HACE1: variants seen among roughly 807,000 people sequenced by gnomAD.
HACE1 encodes the protein HECT domain and ankyrin repeat containing E3 ubiquitin protein ligase 1.
In HACE1, 73 loss-of-function variants were observed where a neutral mutation model predicts 118.4. The ratio of observed to expected loss-of-function variants is 0.62; its 90% CI spans 0.51 to 0.75. The LOEUF is 0.75. Ranked by LOEUF, HACE1 falls within the 30% of genes least tolerant of loss-of-function variation. The probability of loss-of-function intolerance (pLI) is 0.00; values close to 1 mark genes in which losing one functional copy is unlikely to be tolerated. For synonymous variants in HACE1, 368 were observed against 374.8 expected, an observed-to-expected ratio of 0.98 and a Z score of 0.21; for missense variants, 749 against 1,102.2, an observed-to-expected ratio of 0.68 and a Z score of 4.54.
intron 6 of HACE1, among the ~76,000 whole-genome samples, chr6:104,822,583 G>A (rs747815905): frequency 3.3e-5 from 5 of 152,016 alleles, no homozygotes; most frequent in African/African-American, 7.2e-5. Context: ...TAGGCCGAGC[G>A]CGGTGGCTCA....
chr6:104,780,277 A>C, intron 14 of HACE1: 1 of 379,088 alleles, frequency 2.6e-6, no homozygotes, highest in South Asian at 2.0e-5. Flanking sequence ...AAAAGCTCAG[A>C]TCAAACACAC....
At chr6:104,744,750 A>G (rs1478470931) in intron 20 of HACE1, 140 bp from the exon 21 acceptor site, 1 of 645,432 alleles carries the variant, frequency 1.5e-6, no homozygotes, top group Non-Finnish European at 2.8e-6. Flanking sequence ...CATGTCATCA[A>G]CAACAAGCAT....
chr6:104,858,666 G>A lies in HACE1; in HGVS notation c.76+901C>T, dbSNP rs1776993169. On this transcript the variant is annotated intron_variant, in intron 1 of 23. Coordinates refer to ENST00000262903, the MANE Select transcript of HACE1 (RefSeq NM_020771.4). ...TTCAAAGAGAGTTTTGAAAAAGTAA[G>A]ATAAACTACTACAATTAAGAAAAAA... 2.1e-5 allele frequency: 4 copies of A among 188,654 alleles called. No homozygotes were observed. The South Asian group carries it at 3.0e-4, about 14-fold the overall frequency. 11.7% of individuals were successfully genotyped at this position (188,654 alleles called of 1,614,324 possible).
At chr6:104,836,360 TA>T (rs960599099) in intron 5 of HACE1, among the ~76,000 whole-genome samples, 6 of 152,108 alleles carry the variant, frequency 3.9e-5, no homozygotes, top group Non-Finnish European at 7.4e-5. Context: ...AAGAAAACTT[TA>T]AAGTAATAAA....
At chr6:104,845,585 C>G (rs1775585130) in intron 4 of HACE1, among the ~76,000 whole-genome samples, 1 of 150,166 alleles carries the variant, frequency 6.7e-6, no homozygotes, top group Non-Finnish European at 1.5e-5. Context: ...TCACGCCATT[C>G]TCCTGCCTCA....
intron 19 of HACE1, among the ~76,000 whole-genome samples, chr6:104,758,960 A>G (rs1779026038): frequency 6.6e-6 from 1 of 152,228 alleles, no homozygotes; most frequent in Non-Finnish European, 1.5e-5. Flanking sequence ...AAGGAAGGAC[A>G]TTACATAATG....
intron 22 of HACE1, among the ~76,000 whole-genome samples, chr6:104,737,256 C>G (rs1775955451): frequency 7.5e-6 from 1 of 133,072 alleles, no homozygotes; most frequent in South Asian, 2.4e-4. Context: ...GCACTCCAGC[C>G]TGGGGGACAG....
intron 6 of HACE1, among the ~76,000 whole-genome samples, chr6:104,823,543 T>C (rs1318032884): frequency 1.3e-5 from 2 of 151,828 alleles, no homozygotes; most frequent in Non-Finnish European, 2.9e-5. Context: ...ATCCTCAAAA[T>C]ATGCAACTAT....
intron 6 of HACE1, among the ~76,000 whole-genome samples, chr6:104,831,970 GAAGAGAAGAGAGGA>G (rs1200520182): frequency 2.3e-3 from 165 of 70,424 alleles, no homozygotes; most frequent in African/African-American, 5.8e-3. Flanking sequence ...GAAGAGAAGA[GAAGAGAAGAGAGGA>G]AGGAAGGAAG....
chr6:104,737,314 T>C (rs1476516240), intron 22 of HACE1, among the ~76,000 whole-genome samples: 5 of 137,010 alleles, frequency 3.6e-5, no homozygotes, highest in South Asian at 4.6e-4. Flanking sequence ...AAAAGAAAAT[T>C]TGGGGGAGGA....
intron 11 of HACE1, 43 bp downstream of exon 11, chr6:104,791,461 C>T (rs774418890): frequency 6.5e-7 from 1 of 1,544,494 alleles, no homozygotes; most frequent in Non-Finnish European, 9.0e-7. Context: ...AAATTCATCT[C>T]TTTTACGTCT....
At chr6:104,767,474 T>C (rs1780137874) in intron 19 of HACE1, among the ~76,000 whole-genome samples, 1 of 152,214 alleles carries the variant, frequency 6.6e-6, no homozygotes, top group Non-Finnish European at 1.5e-5. Flanking sequence ...CTGACTCTAG[T>C]ACCGCCCCAT....
chr6:104,740,963 T>C (rs1470031231), intron 22 of HACE1, among the ~76,000 whole-genome samples: 4 of 130,788 alleles, frequency 3.1e-5, no homozygotes, highest in African/African-American at 1.3e-4. Context: ...TTATCCACCA[T>C]GATCAAGTGG....
intron 17 of HACE1, among the ~76,000 whole-genome samples, chr6:104,773,241 C>T (rs1460477201): frequency 6.6e-6 from 1 of 152,036 alleles, no homozygotes; most frequent in African/African-American, 2.4e-5. Flanking sequence ...AAAGAAACAA[C>T]GGATAAACCT....
rs750686165 is a variant in HACE1, at chr6:104,797,072, T to C, written c.618-47A>G. 2.2e-5 allele frequency: 23 copies of C among 1,035,038 alleles called. No individual in the cohort carries two copies. The African/African-American group carries it at 2.7e-4, about 12-fold the overall frequency. 64.1% of individuals were successfully genotyped at this position (1,035,038 alleles called of 1,614,324 possible). A position where few individuals can be genotyped will look rare whatever the true frequency, so the allele number is the denominator to read the frequency against. ...TTAAAAATACAATCTTTTTAAAGTC[T>C]TTCTCTATGAATTATGGATAGTTAA... On this transcript the variant is annotated intron_variant, in intron 7 of 23. Coordinates refer to ENST00000262903, the MANE Select transcript of HACE1 (RefSeq NM_020771.4).
intron 3 of HACE1, among the ~76,000 whole-genome samples, chr6:104,849,485 G>T (rs1775970437): frequency 6.8e-6 from 1 of 146,796 alleles, no homozygotes. Flanking sequence ...TTACAGGCAT[G>T]AGCCACCACA....
At chr6:104,831,980 GAGGAAGGAAGGAAGGAAGGA>G (rs71276551) in intron 6 of HACE1, among the ~76,000 whole-genome samples, 18 of 62,926 alleles carry the variant, frequency 2.9e-4, no homozygotes, top group South Asian at 2.9e-3. Flanking sequence ...GAAGAGAAGA[GAGGAAGGAAGGAAGGAAGGA>G]AGGAAGGAAG....
In HACE1 at chr6:104,850,956, T is replaced by C; in HGVS notation, c.172A>G (p.Asn58Asp). 1.2e-6 allele frequency: 2 copies of C among 1,610,138 alleles called. No homozygotes were observed. Among genetic ancestry groups the C allele is most frequent in the Non-Finnish European group, 1.7e-6 (2 of 1,176,314 alleles). The change falls in exon 3 of 24, where the codon AAT becomes GAT. Residue 58 changes from asparagine to aspartate, a missense_variant. By Grantham distance (23) the Asn-to-Asp change is conservative. Transcript: ENST00000262903. ...CTTTTCACACGTCCGAATGCATAAT[T>C]GACATCAAATTTTGAATTTGATAGT... The part of the protein sequence containing the change: ...ELLSNSKFDV[N>D]YAFGRVKRSL...
intron 7 of HACE1, among the ~76,000 whole-genome samples, chr6:104,807,567 C>T (rs1771150281): frequency 6.6e-6 from 1 of 152,046 alleles, no homozygotes; most frequent in South Asian, 2.1e-4. Context: ...TTATACATCC[C>T]AACCTTTATT....
Sources: allele counts gnomAD v4.1 joint callset (sites outside exome capture counted in the v4.1 genomes callset), GRCh38; gene constraint gnomAD v4.1.1; transcripts MANE v1.5; gene names NCBI Gene and HGNC (gene_info 2026-07-23, HGNC 2026-07-21).